The following ZFHX3 variants were observed in gnomAD, a reference collection of about 807,000 sequenced individuals.
ZFHX3 encodes the protein zinc finger homeobox protein 3.
In ZFHX3, 42 loss-of-function variants were observed where a neutral mutation model predicts 279.1. That is an observed-to-expected ratio of 0.15 (90% CI 0.12 to 0.19). The LOEUF (loss-of-function observed/expected upper bound fraction) is 0.19. Among genes scored for constraint, ZFHX3 ranks in the 10% least tolerant of loss-of-function variants. ZFHX3 has a pLI of 1.00. For missense variants in ZFHX3, 4,981 were observed against 4,754.0 expected (o/e 1.05, Z -1.40); for synonymous variants, 2,293 against 1,957.8 (o/e 1.17, Z -4.52).
rs140573350 is a variant in ZFHX3, at chr16:72,788,709, C to A, written c.9567G>T (p.Ala3189=). 1.9e-5 allele frequency: 30 copies of A among 1,610,826 alleles called. No individual in the cohort carries two copies. Among genetic ancestry groups the A allele is most frequent in the Non-Finnish European group, 2.4e-5 (28 of 1,178,288 alleles). Residue 3189 remains alanine (A), a synonymous_variant, in exon 10 of 10, where the codon GCG becomes GCT. Transcript: ENST00000268489. ...GCTGGGGGGGTTGCTGAGGGCCCATCGCCATCGTGGCTTGTGCTGGGGTTG... is the reference window on the plus strand; with the variant it reads ...GCTGGGGGGGTTGCTGAGGGCCCATAGCCATCGTGGCTTGTGCTGGGGTTG... ...SSPTPAQATM[A]MGPQQPPQQQ...
chr16:73,205,833 A>G (rs561812383), intron 5 of ZFHX3, among the ~76,000 whole-genome samples: 20 of 152,358 alleles, frequency 1.3e-4, no homozygotes, highest in African/African-American at 4.8e-4. Context: ...GAGTATCCCA[A>G]GAATGGAAAG....
chr16:73,183,957 C>A (rs1967855245), intron 5 of ZFHX3, among the ~76,000 whole-genome samples: 1 of 152,078 alleles, frequency 6.6e-6, no homozygotes, highest in Non-Finnish European at 1.5e-5. Context: ...GTGAAACTGG[C>A]AGCAATTTAG....
intron 7 of ZFHX3, among the ~76,000 whole-genome samples, chr16:73,119,013 G>A (rs370645079): frequency 8.5e-5 from 13 of 152,292 alleles, no homozygotes; most frequent in African/African-American, 2.4e-4. Context: ...TCCTTTCAGG[G>A]TGGGCACTGT....
intron 3 of ZFHX3, among the ~76,000 whole-genome samples, chr16:73,318,492 T>C (rs1456738271): frequency 1.3e-5 from 2 of 152,180 alleles, no homozygotes; most frequent in Admixed American, 1.3e-4. Flanking sequence ...GCTTTACTTA[T>C]TACTATTGGG....
intron 1 of ZFHX3, among the ~76,000 whole-genome samples, chr16:73,748,495 C>A (rs1484244258): frequency 6.6e-6 from 1 of 152,018 alleles, no homozygotes; most frequent in Non-Finnish European, 1.5e-5. Context: ...GTTTTTAAGA[C>A]TTACACTCTA....
intron 1 of ZFHX3, chr16:73,015,276 G>T (rs1964060395): frequency 6.6e-6 from 1 of 151,694 alleles, no homozygotes; most frequent in Non-Finnish European, 1.5e-5. Flanking sequence ...CTAACTCCTG[G>T]GTTCAAGTGA....
chr16:73,009,260 A>G (rs966061292), intron 1 of ZFHX3, among the ~76,000 whole-genome samples: 2 of 151,868 alleles, frequency 1.3e-5, no homozygotes, highest in Admixed American at 6.6e-5. Context: ...CAGTTTTCCA[A>G]TTTACGTTGA....
chr16:73,072,792 A>C (rs578230346), intron 8 of ZFHX3, among the ~76,000 whole-genome samples: 1 of 152,072 alleles, frequency 6.6e-6, no homozygotes, highest in South Asian at 2.1e-4. Context: ...CTGGTCTCGA[A>C]CTCCTGGCTT....
chr16:73,286,809 G>C (rs951663928), intron 4 of ZFHX3, among the ~76,000 whole-genome samples: 1 of 149,302 alleles, frequency 6.7e-6, no homozygotes, highest in Non-Finnish European at 1.5e-5. Context: ...GTGGGTTGGT[G>C]TGTGGCTGTG....
At chr16:73,602,392 T>A (rs2052127965) in intron 2 of ZFHX3, among the ~76,000 whole-genome samples, 3 of 152,138 alleles carry the variant, frequency 2.0e-5, no homozygotes. Flanking sequence ...GTGAGGTAGG[T>A]GCAAGGAAGC....
At chr16:73,098,084 T>TTTG (rs1344775340) in intron 7 of ZFHX3, among the ~76,000 whole-genome samples, 1 of 151,758 alleles carries the variant, frequency 6.6e-6, no homozygotes, top group East Asian at 1.9e-4. Flanking sequence ...TTTTTTTTTT[T>TTTG]TGAGATGGAG....
chr16:73,720,369 A>G (rs919192670), intron 1 of ZFHX3, among the ~76,000 whole-genome samples: 1 of 152,230 alleles, frequency 6.6e-6, no homozygotes, highest in Non-Finnish European at 1.5e-5. Context: ...ATGTATGAAG[A>G]ATTTTATCTC....
chr16:72,808,168 G>T (rs529533462), intron 7 of ZFHX3: 1 of 152,168 alleles, frequency 6.6e-6, no homozygotes, highest in Non-Finnish European at 1.5e-5. Context: ...TCACTTAGTT[G>T]TGAAACAATT....
chr16:73,875,202 G>A (rs947175239), intron 1 of ZFHX3, among the ~76,000 whole-genome samples: 19 of 151,990 alleles, frequency 1.3e-4, no homozygotes, highest in Admixed American at 2.6e-4. Context: ...AAGATTTATC[G>A]CAAAATGTCT....
chr16:73,846,023 T>C lies in ZFHX3; in HGVS notation c.-1608+45628A>G, dbSNP rs1292458476. Among the ~76,000 whole-genome samples the C allele has an allele frequency of 3.9e-5, 6 of 152,148 alleles. No homozygotes were observed. In the East Asian group the frequency reaches 1.2e-3, roughly 29 times the overall value. On this transcript the variant is annotated intron_variant, in intron 1 of 17. Transcript: ENST00000641206. ...CATATTGCCCAGGCTGTTCTCTAAA[T>C]TCTGGACTCAAGCAATCTTCTCACA...
intron 2 of ZFHX3, among the ~76,000 whole-genome samples, chr16:73,559,190 G>T (rs890523595): frequency 6.6e-6 from 1 of 152,068 alleles, no homozygotes; most frequent in African/African-American, 2.4e-5. Flanking sequence ...TAAGACTACA[G>T]ACACATACCA....
At chr16:73,609,668 G>A (rs936922088) in intron 2 of ZFHX3, 1 of 152,016 alleles carries the variant, frequency 6.6e-6, no homozygotes, top group Non-Finnish European at 1.5e-5. Context: ...AAGGAGGGAG[G>A]GAGGGAAGAA....
intron 2 of ZFHX3, among the ~76,000 whole-genome samples, chr16:73,588,210 A>G (rs528180521): frequency 6.6e-6 from 1 of 152,336 alleles, no homozygotes; most frequent in South Asian, 2.1e-4. Context: ...AAAACTGACA[A>G]TGAAAATGCT....
At chr16:73,715,408 C>T (rs1465176955) in intron 1 of ZFHX3, among the ~76,000 whole-genome samples, 5 of 152,092 alleles carry the variant, frequency 3.3e-5, no homozygotes, top group Non-Finnish European at 7.3e-5. Flanking sequence ...CAATAATTTA[C>T]ATCCTTATAA....
Sources: allele counts gnomAD v4.1 joint callset (sites outside exome capture counted in the v4.1 genomes callset), GRCh38; gene constraint gnomAD v4.1.1; transcripts MANE v1.5; gene names NCBI Gene and HGNC (gene_info 2026-07-23, HGNC 2026-07-21).